CNTN5: variants seen among roughly 807,000 people sequenced by gnomAD.
The protein encoded by CNTN5 is contactin 5, also known as contactin-5.
A neutral mutation model predicts 129.1 loss-of-function variants in CNTN5; 77 were observed. The observed-to-expected ratio is 0.60, with a 90% CI of 0.50 to 0.72. The LOEUF (loss-of-function observed/expected upper bound fraction) is 0.72, where lower values mean the gene tolerates loss of function less well. Among genes scored for constraint, CNTN5 ranks in the 30% least tolerant of loss-of-function variants. CNTN5 has a pLI of 0.00. For synonymous variants in CNTN5, 509 were observed against 465.6 expected (o/e 1.09, Z -1.20); for missense variants, 1,478 against 1,328.8 (o/e 1.11, Z -1.75).
intron 9 of CNTN5, among the ~76,000 whole-genome samples, chr11:100,029,521 T>C (rs928576068): frequency 2.6e-5 from 4 of 151,930 alleles, no homozygotes; most frequent in Non-Finnish European, 2.9e-5. Flanking sequence ...AGGTGGAGCT[T>C]GCAGTGAGCC....
At chr11:99,622,460 G>A (rs1045634639) in intron 3 of CNTN5, among the ~76,000 whole-genome samples, 5 of 152,008 alleles carry the variant, frequency 3.3e-5, no homozygotes, top group Middle Eastern at 3.2e-3. Context: ...AGATTTATTC[G>A]GTATTAGTCA....
chr11:99,585,762 G>A (rs933809256), intron 3 of CNTN5, among the ~76,000 whole-genome samples: 2 of 152,122 alleles, frequency 1.3e-5, no homozygotes. Context: ...AGGAGTAAAG[G>A]CTGGAGAGTT....
intron 3 of CNTN5, among the ~76,000 whole-genome samples, chr11:99,745,274 A>C (rs751352795): frequency 6.6e-6 from 1 of 152,204 alleles, no homozygotes; most frequent in Non-Finnish European, 1.5e-5. Flanking sequence ...AGAAAAAAAT[A>C]AAGCTTCACT....
intron 3 of CNTN5, among the ~76,000 whole-genome samples, chr11:99,719,817 A>ATAT (rs1052871843): frequency 2.5e-4 from 38 of 152,256 alleles, no homozygotes; most frequent in Admixed American, 2.4e-3. Context: ...GACTATCTAA[A>ATAT]TAAACACATT....
chr11:100,213,367 A>T (rs544034654), intron 15 of CNTN5, among the ~76,000 whole-genome samples: 1 of 152,310 alleles, frequency 6.6e-6, no homozygotes, highest in East Asian at 1.9e-4. Flanking sequence ...GCTTGAAGAC[A>T]ATAATCTACA....
At chr11:99,314,382 C>T (rs1341898826) in intron 1 of CNTN5, among the ~76,000 whole-genome samples, 2 of 152,090 alleles carry the variant, frequency 1.3e-5, no homozygotes, top group African/African-American at 4.8e-5. Context: ...TTCTGAAGTG[C>T]CATTTCATTT....
intron 19 of CNTN5, 123 bp from the exon 20 acceptor site, chr11:100,299,039 G>A: frequency 1.6e-6 from 1 of 625,136 alleles, no homozygotes; most frequent in East Asian, 2.8e-5. Flanking sequence ...TTCCAATGTA[G>A]TATAAAGATT....
intron 3 of CNTN5, among the ~76,000 whole-genome samples, chr11:99,657,406 A>G (rs1339264957): frequency 6.6e-6 from 1 of 152,122 alleles, no homozygotes; most frequent in Non-Finnish European, 1.5e-5. Flanking sequence ...CCGGAAGTAC[A>G]CATTGGGCAG....
intron 7 of CNTN5, among the ~76,000 whole-genome samples, chr11:99,924,045 G>T (rs111393334): frequency 0.058 from 8,765 of 152,072 alleles, 425 homozygotes; most frequent in African/African-American, 0.13. Flanking sequence ...CGGCTTCTGC[G>T]TCCCAAAGTG....
At chr11:99,765,570 T>C (rs1944725134) in intron 3 of CNTN5, among the ~76,000 whole-genome samples, 1 of 151,694 alleles carries the variant, frequency 6.6e-6, no homozygotes. Flanking sequence ...TATATTTCTT[T>C]GTAGTAAGGA....
intron 2 of CNTN5, among the ~76,000 whole-genome samples, chr11:99,527,336 G>A (rs1947524860): frequency 6.6e-6 from 1 of 152,094 alleles, no homozygotes; most frequent in Non-Finnish European, 1.5e-5. Flanking sequence ...CAGAGTATAG[G>A]CATGAGGGAT....
intron 1 of CNTN5, among the ~76,000 whole-genome samples, chr11:99,148,365 CA>C (rs5793974): frequency 0.13 from 19,929 of 148,724 alleles, 1,623 homozygotes; most frequent in Non-Finnish European, 0.18. Flanking sequence ...TTTATTTGAG[CA>C]AAAAAAAAAT....
intron 4 of CNTN5, among the ~76,000 whole-genome samples, chr11:99,832,448 T>C (rs1025058076): frequency 9.9e-5 from 15 of 152,254 alleles, no homozygotes; most frequent in African/African-American, 2.4e-4. Context: ...CTTTAACTTA[T>C]GTTGTGTGTA....
intron 9 of CNTN5, among the ~76,000 whole-genome samples, chr11:100,009,459 A>AG (rs1940392824): frequency 6.6e-6 from 1 of 152,144 alleles, no homozygotes; most frequent in African/African-American, 2.4e-5. Flanking sequence ...TGTAAAAAAA[A>AG]AAATGGAGGG....
intron 3 of CNTN5, among the ~76,000 whole-genome samples, chr11:99,721,388 C>A (rs1172158494): frequency 2.0e-5 from 3 of 151,952 alleles, no homozygotes; most frequent in Non-Finnish European, 4.4e-5. Flanking sequence ...GGGGAAAAGA[C>A]CCCCTATTGA....
chr11:99,619,338 A>T (rs1950857950), intron 3 of CNTN5, among the ~76,000 whole-genome samples: 1 of 152,156 alleles, frequency 6.6e-6, no homozygotes, highest in Non-Finnish European at 1.5e-5. Flanking sequence ...GTATTATAAT[A>T]GCTCAATGAG....
chr11:100,035,734 T>G (rs1414924223), intron 9 of CNTN5, among the ~76,000 whole-genome samples: 3 of 151,026 alleles, frequency 2.0e-5, no homozygotes, highest in Non-Finnish European at 4.4e-5. Context: ...ATGATGAGCA[T>G]TTTTTCATGT....
At chr11:100,227,777 G>T (rs985467823) in intron 16 of CNTN5, among the ~76,000 whole-genome samples, 1 of 152,138 alleles carries the variant, frequency 6.6e-6, no homozygotes, top group African/African-American at 2.4e-5. Flanking sequence ...TAACAATAGA[G>T]AAAGCATGAC....
intron 1 of CNTN5, among the ~76,000 whole-genome samples, chr11:99,148,280 C>CT (rs1219050766): frequency 1.3e-5 from 2 of 152,008 alleles, no homozygotes; most frequent in Non-Finnish European, 2.9e-5. Context: ...TTTCTTTCAT[C>CT]TTTTTGGCAA....
Sources: allele counts gnomAD v4.1 joint callset (sites outside exome capture counted in the v4.1 genomes callset), GRCh38; gene constraint gnomAD v4.1.1; transcripts MANE v1.5; gene names NCBI Gene and HGNC (gene_info 2026-07-23, HGNC 2026-07-21).